Variants in PIGN observed in about 807,000 individuals in gnomAD.
PIGN encodes GPI ethanolamine phosphate transferase 1.
A neutral mutation model predicts 125.4 loss-of-function variants in PIGN; 117 were observed. The ratio of observed to expected loss-of-function variants is 0.93; its 90% CI spans 0.80 to 1.09. PIGN has a LOEUF of 1.09. PIGN is among the 50% of genes least tolerant of loss of function. The probability of loss-of-function intolerance (pLI) is 0.00; values close to 1 mark genes in which losing one functional copy is unlikely to be tolerated. For synonymous variants in PIGN, 392 were observed against 377.8 expected, an observed-to-expected ratio of 1.04 and a Z score of -0.44; for missense variants, 1,075 against 1,094.9, an observed-to-expected ratio of 0.98 and a Z score of 0.26.
chr18:62,126,546 T>C (rs1490728723), intron 14 of PIGN, among the ~76,000 whole-genome samples: 1 of 152,144 alleles, frequency 6.6e-6, no homozygotes, highest in Non-Finnish European at 1.5e-5. Context: ...TGCATCCCAG[T>C]TTCATCATGT....
At chr18:62,027,619 A>T (rs1028542733) in intron 23 of PIGN, among the ~76,000 whole-genome samples, 6 of 152,210 alleles carry the variant, frequency 3.9e-5, no homozygotes, top group African/African-American at 1.4e-4. Flanking sequence ...GCAACCAGAT[A>T]TGCATTTATC....
At chr18:62,063,148 G>A (rs1457095790) in intron 30 of PIGN, among the ~76,000 whole-genome samples, 2 of 151,196 alleles carry the variant, frequency 1.3e-5, no homozygotes, top group African/African-American at 4.9e-5. Context: ...AAAATAAAAT[G>A]GACCATATCA....
At chr18:62,136,746 C>A (rs934202199) in intron 14 of PIGN, 1 of 229,328 alleles carries the variant, frequency 4.4e-6, no homozygotes. Flanking sequence ...ATAGATAAAA[C>A]AATTTCTATT....
chr18:62,112,688 G>A (rs1393338673), intron 16 of PIGN: 1 of 159,106 alleles, frequency 6.3e-6, no homozygotes, highest in Admixed American at 6.5e-5. Flanking sequence ...ATTAAAAAAT[G>A]TATACATCAT....
intron 15 of PIGN, among the ~76,000 whole-genome samples, chr18:62,114,345 G>A (rs937575612): frequency 6.7e-5 from 10 of 149,006 alleles, no homozygotes; most frequent in African/African-American, 2.0e-4. Context: ...CTGGGCAACA[G>A]CGACACTCTG....
At chr18:62,184,281 T>TA in intron 1 of PIGN, among the ~76,000 whole-genome samples, 1 of 152,234 alleles carries the variant, frequency 6.6e-6, no homozygotes, top group Admixed American at 6.5e-5. Flanking sequence ...AAAAGGCATC[T>TA]TTTACATCTT....
intron 28 of PIGN, among the ~76,000 whole-genome samples, chr18:62,077,900 C>A (rs2033254850): frequency 1.3e-5 from 2 of 152,198 alleles, no homozygotes; most frequent in South Asian, 4.1e-4. Context: ...TATTTGAGGT[C>A]TCTTTCCTTA....
chr18:62,045,404 C>T lies in PIGN; in HGVS notation c.*452G>A, dbSNP rs1435633263. The T allele has an allele frequency of 6.5e-6, 1 of 152,724 alleles. No individual in the cohort carries two copies. The highest frequency in any genetic ancestry group is 1.5e-5 in the Non-Finnish European group (1 of 68,470). The allele number at this position is 152,724 out of a possible 1,614,324, so 9.5% of individuals were successfully genotyped here. A position where few individuals can be genotyped will look rare whatever the true frequency, so the allele number is the denominator to read the frequency against. ...ATACACCCTGACTGTCTAACAAAACCAGTGCTGAAAGCTGATAAATATTGA... is the reference window on the plus strand; with the variant it reads ...ATACACCCTGACTGTCTAACAAAACTAGTGCTGAAAGCTGATAAATATTGA... On this transcript the variant is annotated 3_prime_UTR_variant, in exon 31 of 31. Transcript: ENST00000640252.
chr18:62,174,665 A>G (rs1683002782), intron 1 of PIGN, among the ~76,000 whole-genome samples: 1 of 152,196 alleles, frequency 6.6e-6, no homozygotes, highest in African/African-American at 2.4e-5. Context: ...AGAAGCTTAT[A>G]TTATTCATAT....
At chr18:62,035,312 T>C (rs1216244303) in intron 23 of PIGN, among the ~76,000 whole-genome samples, 1 of 152,166 alleles carries the variant, frequency 6.6e-6, no homozygotes, top group African/African-American at 2.4e-5. Context: ...AGAAAAGCAA[T>C]GGCAAATTAA....
rs1459315329 is a variant in PIGN, at chr18:62,062,881, GCTTTTTTTTTT to G, written c.2672+9781_2672+9791del. On this transcript the variant is annotated intron_variant, in intron 30 of 30. Coordinates refer to ENST00000640252, the MANE Select transcript of PIGN (RefSeq NM_176787.5). ...TATTTGTTTTATGCTTTTGTATTCT[GCTTTTTTTTTT>G]TTTTTTTTTTTTTTTTTTTTGCTGT... 1.3e-4 allele frequency among the ~76,000 whole-genome samples: 3 copies of G among 22,470 alleles called. No individual in the cohort carries two copies. The East Asian group carries it at 3.7e-3, about 27-fold the overall frequency. 14.7% of individuals were successfully genotyped at this position (22,470 alleles called of 152,430 possible).
At chr18:62,160,644 A>G (rs1323769046) in intron 4 of PIGN, among the ~76,000 whole-genome samples, 3 of 151,850 alleles carry the variant, frequency 2.0e-5, no homozygotes, top group Admixed American at 2.0e-4. Flanking sequence ...GGTAGCTAGG[A>G]TTACAGGCAT....
At chr18:62,033,113 G>A (rs4941099) in intron 23 of PIGN, among the ~76,000 whole-genome samples, 32,182 of 152,176 alleles carry the variant, frequency 0.21, 3,725 homozygotes, top group East Asian at 0.31. Flanking sequence ...TTCCTTGGAT[G>A]CCATAGCTAG....
rs9952165 is a variant in PIGN at position 62,094,476 on chromosome 18, A to G, written c.2180+1372T>C. Among the ~76,000 whole-genome samples, 1,519 of 152,302 alleles carry G rather than the reference A, an allele frequency of 1.0e-2. 19 individuals are homozygous for G. The highest frequency in any genetic ancestry group is 0.048 in the East Asian group (251 of 5,180). On this transcript the variant is annotated intron_variant, in intron 23 of 30. Coordinates refer to ENST00000640252, the MANE Select transcript of PIGN (RefSeq NM_176787.5). ...ACAAGTCTCCCTGAAATGGTAGGTT[A>G]GAATAGAAATTATTTTAACTTCTGC... is the stretch of plus-strand genomic sequence containing the variant.
intron 23 of PIGN, among the ~76,000 whole-genome samples, chr18:62,093,195 T>C (rs2034042155): frequency 6.6e-6 from 1 of 152,110 alleles, no homozygotes. Flanking sequence ...AGTTACTGTT[T>C]CCTAATATTT....
Position 62,090,471 on chromosome 18 carries a change from G to A in PIGN, c.2283+5C>T, listed in dbSNP as rs2033903469. On this transcript the variant is annotated splice_donor_5th_base_variant and intron_variant, in intron 24 of 30. Transcript: ENST00000640252. Reference sequence around the variant, plus strand: ...ATAAAAACAAAAATGACTTTGACCAGCTACCTTTTGTTTACAGCAAACACC... The same window carrying A: ...ATAAAAACAAAAATGACTTTGACCAACTACCTTTTGTTTACAGCAAACACC... 6.4e-7 allele frequency: 1 copy of A among 1,563,582 alleles called. No homozygotes were observed. Among genetic ancestry groups the A allele is most frequent in the Non-Finnish European group, 8.8e-7 (1 of 1,138,984 alleles).
intron 1 of PIGN, among the ~76,000 whole-genome samples, chr18:62,171,522 C>T (rs912005200): frequency 6.6e-6 from 1 of 152,144 alleles, no homozygotes. Flanking sequence ...GTGATTACAG[C>T]AGAAATCCTT....
chr18:62,065,243 T>G (rs1218495496), intron 30 of PIGN, among the ~76,000 whole-genome samples: 6 of 152,024 alleles, frequency 3.9e-5, no homozygotes, highest in Non-Finnish European at 8.8e-5. Flanking sequence ...TATAAAACAG[T>G]GCATTATTAC....
intron 1 of PIGN, among the ~76,000 whole-genome samples, chr18:62,167,430 A>C (rs941690926): frequency 2.0e-5 from 3 of 150,820 alleles, no homozygotes; most frequent in Non-Finnish European, 4.4e-5. Flanking sequence ...TCAGGAGTTC[A>C]AAACCAGCCT....
Sources: gnomAD v4.1 joint callset for allele counts (sites outside exome capture counted in the v4.1 genomes callset) on GRCh38, gnomAD v4.1.1 for gene constraint, MANE v1.5 for transcripts, NCBI Gene and HGNC (gene_info 2026-07-23, HGNC 2026-07-21) for gene names.